The following SPG11 variants were observed in gnomAD, a reference collection of about 807,000 sequenced individuals.
The protein encoded by SPG11 is spatacsin.
In SPG11, 222 loss-of-function variants were observed where a neutral mutation model predicts 274.0. That is an observed-to-expected ratio of 0.81 (90% CI 0.73 to 0.91). SPG11 has a LOEUF of 0.91. Ranked by LOEUF, SPG11 falls within the 40% of genes least tolerant of loss-of-function variation. The pLI, the probability that SPG11 is intolerant of heterozygous loss-of-function variation, is 0.00. For synonymous variants in SPG11, 1,144 were observed against 1,039.7 expected (o/e 1.10, Z -1.93); for missense variants, 3,114 against 2,872.7 (o/e 1.08, Z -1.92).
chr15:44,610,581 T>G (rs1222650378), intron 18 of SPG11, among the ~76,000 whole-genome samples: 2 of 151,918 alleles, frequency 1.3e-5, no homozygotes, highest in Non-Finnish European at 2.9e-5. Context: ...TTTCACCACG[T>G]TGGCCAGGCT....
Position 44,659,171 on chromosome 15 carries a change from G to A in SPG11, c.575C>T (p.Thr192Ile), listed in dbSNP as rs1429858781. The change falls in exon 3 of 40, where the codon ACA becomes ATA. Residue 192 changes from threonine to isoleucine, a missense_variant. Coordinates refer to ENST00000261866, the MANE Select transcript of SPG11 (RefSeq NM_025137.4). ...CACTGCCTGTGCAGGCAAGGGAAGT[G>A]TGAAACAGTTGAGTACTCTAATTGC... is the stretch of plus-strand genomic sequence containing the variant. ...DAAIRVLNCF[T>I]LPLPAQAVDM... The A allele has an allele frequency of 6.2e-7, 1 of 1,614,128 alleles. No homozygotes were observed. Among genetic ancestry groups the A allele is most frequent in the African/African-American group, 1.3e-5 (1 of 74,944 alleles).
chr15:44,616,355 G>A (rs1466365931), intron 15 of SPG11, among the ~76,000 whole-genome samples: 3 of 151,956 alleles, frequency 2.0e-5, no homozygotes, highest in Non-Finnish European at 2.9e-5. Context: ...ACAGGCATGT[G>A]CCACCACACT....
intron 1 of SPG11, 67 bp from the exon 2 acceptor site, chr15:44,660,683 G>T: frequency 1.4e-6 from 2 of 1,460,738 alleles, no homozygotes; most frequent in Non-Finnish European, 1.9e-6. Context: ...AATGGTGGGG[G>T]TAGAAGGGTT....
intron 11 of SPG11, among the ~76,000 whole-genome samples, chr15:44,625,868 C>T (rs960853762): frequency 1.3e-5 from 2 of 151,766 alleles, no homozygotes; most frequent in Non-Finnish European, 2.9e-5. Flanking sequence ...TTAGTAGAGA[C>T]GGGGTTTCGC....
chr15:44,568,096 A>C (rs893011581), intron 35 of SPG11, among the ~76,000 whole-genome samples: 7 of 152,198 alleles, frequency 4.6e-5, no homozygotes, highest in African/African-American at 1.7e-4. Context: ...AGTTTTATTA[A>C]AATAATTATA....
At position 44,651,504 on chromosome 15, in the gene SPG11, G is replaced by A; in HGVS notation, c.1443C>T (p.Cys481=). The change falls in exon 6 of 40, where the codon TGC becomes TGT. Residue 481 remains cysteine (C), a synonymous_variant. Coordinates refer to ENST00000261866, the MANE Select transcript of SPG11 (RefSeq NM_025137.4). ...AGACAGTCTCACCTGTCAAAACAAA[G>A]CACAGCTGCTGGTCTCCACTACTGT... ...PVDSSGDQQL[C]FVLTENGLSL... 2 of 1,614,016 alleles carry A rather than the reference G, an allele frequency of 1.2e-6. No individual in the cohort carries two copies. Among genetic ancestry groups the A allele is most frequent in the Non-Finnish European group, 1.7e-6 (2 of 1,179,918 alleles).
intron 7 of SPG11, among the ~76,000 whole-genome samples, chr15:44,642,768 G>C (rs1365462623): frequency 9.9e-5 from 15 of 151,914 alleles, no homozygotes; most frequent in Admixed American, 6.6e-4. Flanking sequence ...TACTTGGGAG[G>C]CTGAGGCAGG....
intron 33 of SPG11, 178 bp downstream of exon 33, chr15:44,572,505 A>C (rs776512029): frequency 1.6e-6 from 1 of 639,492 alleles, no homozygotes; most frequent in Admixed American, 2.8e-5. Flanking sequence ...GTACTCATCC[A>C]TAATTTCTAA....
chr15:44,648,767 T>C, intron 7 of SPG11, 99 bp downstream of exon 7: 1 of 1,368,554 alleles, frequency 7.3e-7, no homozygotes, highest in Non-Finnish European at 1.0e-6. Flanking sequence ...ATAGTTCTTT[T>C]TGCTGCTAAA....
intron 35 of SPG11, among the ~76,000 whole-genome samples, chr15:44,568,308 T>TA (rs757132278): frequency 8.5e-5 from 13 of 152,230 alleles, no homozygotes; most frequent in Non-Finnish European, 1.6e-4. Flanking sequence ...AAAACAGTTT[T>TA]AAAAACCCTT....
At chr15:44,623,682 A>G (rs191432729) in intron 11 of SPG11, among the ~76,000 whole-genome samples, 45 of 152,330 alleles carry the variant, frequency 3.0e-4, no homozygotes, top group African/African-American at 1.1e-3. Flanking sequence ...GCATGCTTCG[A>G]CAAGTGTGAA....
intron 20 of SPG11, 88 bp downstream of exon 20, chr15:44,605,937 A>G (rs1209543525): frequency 1.8e-6 from 2 of 1,134,590 alleles, no homozygotes; most frequent in African/African-American, 1.5e-5. Context: ...ATAAAAATCA[A>G]TGAGAAAACT....
Position 44,563,405 on chromosome 15 carries a change from C to T in SPG11, c.7152-104G>A, listed in dbSNP as rs989585489. 7.9e-6 allele frequency: 8 copies of T among 1,010,372 alleles called. No individual in the cohort carries two copies. In the African/African-American group the frequency reaches 1.3e-4, roughly 16 times the overall value. The allele number at this position is 1,010,372 out of a possible 1,614,324, so 62.6% of individuals were successfully genotyped here. A position where few individuals can be genotyped will look rare whatever the true frequency, so the allele number is the denominator to read the frequency against. ...CCAGGCTGGAGTGCAGAGGAGCAGT[C>T]TTGGCTCACTGCAACCTCCACCTGC... On this transcript the variant is annotated intron_variant, in intron 39 of 39. Coordinates refer to ENST00000261866, the MANE Select transcript of SPG11 (RefSeq NM_025137.4).
At chr15:44,634,792 G>T (rs926392915) in intron 7 of SPG11, among the ~76,000 whole-genome samples, 1 of 151,510 alleles carries the variant, frequency 6.6e-6, no homozygotes, top group Non-Finnish European at 1.5e-5. Context: ...GGCCAGGCTG[G>T]TCTCAAACTT....
At chr15:44,592,643 AC>A (rs34968427) in intron 26 of SPG11, among the ~76,000 whole-genome samples, 1 of 151,740 alleles carries the variant, frequency 6.6e-6, no homozygotes, top group South Asian at 2.1e-4. Context: ...ACATGATGAA[AC>A]CCCATCTCTA....
chr15:44,571,544 C>T (rs2082425700), intron 33 of SPG11, among the ~76,000 whole-genome samples: 1 of 142,156 alleles, frequency 7.0e-6, no homozygotes, highest in South Asian at 2.2e-4. Context: ...GTTGCCCAGG[C>T]TGGAGTGCAG....
At chr15:44,592,795 G>A (rs1250339151) in intron 26 of SPG11, among the ~76,000 whole-genome samples, 1 of 151,990 alleles carries the variant, frequency 6.6e-6, no homozygotes, top group African/African-American at 2.4e-5. Flanking sequence ...ATTCCATCCT[G>A]GGCGACAGAG....
At chr15:44,647,657 G>C (rs1344206058) in intron 7 of SPG11, among the ~76,000 whole-genome samples, 2 of 152,202 alleles carry the variant, frequency 1.3e-5, no homozygotes, top group African/African-American at 4.8e-5. Context: ...AAAGATGCCT[G>C]TCACAAAGGT....
At chr15:44,567,367 A>T (rs547757292) in intron 36 of SPG11, 57 bp downstream of exon 36, 52 of 1,522,306 alleles carry the variant, frequency 3.4e-5, no homozygotes, top group Non-Finnish European at 4.5e-5. Flanking sequence ...AAAAAAAAAA[A>T]GGAATTTTAC....
Sources: allele counts gnomAD v4.1 joint callset (sites outside exome capture counted in the v4.1 genomes callset), GRCh38; gene constraint gnomAD v4.1.1; transcripts MANE v1.5; gene names NCBI Gene and HGNC (gene_info 2026-07-23, HGNC 2026-07-21).